Variants in ZNF462 observed in about 807,000 individuals in gnomAD.
The protein encoded by ZNF462 is zinc finger protein 462.
In ZNF462, 10 loss-of-function variants were observed where a neutral mutation model predicts 201.9. The observed-to-expected ratio is 0.05, with a 90% confidence interval of 0.03 to 0.08. The LOEUF is 0.08. Among genes scored for constraint, ZNF462 ranks in the 10% least tolerant of loss-of-function variants. The pLI is 1.00. For missense variants in ZNF462, 2,523 were observed against 3,168.3 expected (o/e 0.80, Z 4.89); for synonymous variants, 1,227 against 1,193.3 (o/e 1.03, Z -0.58).
In ZNF462 at chr9:106,865,969, GCTT is replaced by G. The variant is rs1474984007; in HGVS notation, c.-31+2615_-31+2617del. Among the ~76,000 whole-genome samples, 1 of 152,158 alleles carries G rather than the reference GCTT, an allele frequency of 6.6e-6. No individual in the cohort carries two copies. Among genetic ancestry groups the G allele is most frequent in the African/African-American group, 2.4e-5 (1 of 41,426 alleles). On this transcript the variant is annotated intron_variant, in intron 1 of 12. Transcript: ENST00000277225. This position sits in a 1 kb window ranked among gnomAD's most constrained non-coding sequence, Gnocchi z 4.1. ...TTTAAAAGCCAACCATGAAGATGTT[GCTT>G]TTCCATTAGGTGAGGTAGCCATCTT...
In ZNF462 at chr9:106,974,326, A is replaced by G. The variant is rs1377445610; in HGVS notation, c.6832+53A>G. 5.6e-6 allele frequency: 9 copies of G among 1,613,132 alleles called. No homozygotes were observed. Among genetic ancestry groups the G allele is most frequent in the Non-Finnish European group, 5.9e-6 (7 of 1,179,332 alleles). On this transcript the variant is annotated intron_variant, in intron 9 of 12. Coordinates refer to ENST00000277225, the MANE Select transcript of ZNF462 (RefSeq NM_021224.6). The surrounding 1 kb of genome is among the most constrained non-coding windows in gnomAD (Gnocchi z 4.0). ...ATGCAGCGGGGGGCAGGCAGCAGAG[A>G]TGGCCTTCTAGGGATGCTCTCTCAG...
Position 106,932,808 on chromosome 9 carries a change from A to G in ZNF462, c.6116+259A>G. The G allele has an allele frequency of 1.7e-6, 1 of 583,854 alleles. No individual in the cohort carries two copies. Among genetic ancestry groups the G allele is most frequent in the South Asian group, 2.0e-5 (1 of 49,222 alleles). 36.2% of individuals were successfully genotyped at this position (583,854 alleles called of 1,614,324 possible). ...GAATTGCTATGATTTACCCAAAGGTAAAATGGCATCTGTGGAGAGTAGATG... is the reference window on the plus strand; with the variant it reads ...GAATTGCTATGATTTACCCAAAGGTGAAATGGCATCTGTGGAGAGTAGATG... On this transcript the variant is annotated intron_variant, in intron 5 of 12. Coordinates refer to ENST00000277225, the MANE Select transcript of ZNF462 (RefSeq NM_021224.6). This position sits in a 1 kb window ranked among gnomAD's most constrained non-coding sequence, Gnocchi z 6.8.
rs192420774 is a variant in ZNF462 at position 106,876,177 on chromosome 9, G to A, written c.-31+12822G>A. Among the ~76,000 whole-genome samples the A allele has an allele frequency of 2.6e-5, 4 of 152,254 alleles. No homozygotes were observed. Among genetic ancestry groups the A allele is most frequent in the African/African-American group, 9.6e-5 (4 of 41,558 alleles). ...TTACTAGCTGTGGGACCTTGAGTAA[G>A]TCATTTATCCTTTCTGTCCCCATGA... On this transcript the variant is annotated intron_variant, in intron 1 of 12. Coordinates refer to ENST00000277225, the MANE Select transcript of ZNF462 (RefSeq NM_021224.6). The surrounding 1 kb of genome is among the most constrained non-coding windows in gnomAD (Gnocchi z 4.9).
chr9:106,867,917 A>C (rs1827413490), intron 1 of ZNF462, among the ~76,000 whole-genome samples: 1 of 152,308 alleles, frequency 6.6e-6, no homozygotes, highest in Non-Finnish European at 1.5e-5. Flanking sequence ...TGGAGAACAG[A>C]GATGCTGTTT....
chr9:106,864,010 T>G (rs960025882), intron 1 of ZNF462, among the ~76,000 whole-genome samples: 1 of 140,290 alleles, frequency 7.1e-6, no homozygotes, highest in African/African-American at 2.7e-5. Context: ...CCGTGCGGAT[T>G]GGCAGCCCCC....
intron 1 of ZNF462, among the ~76,000 whole-genome samples, chr9:106,867,769 T>C (rs893978970): frequency 3.9e-5 from 6 of 152,134 alleles, no homozygotes; most frequent in Middle Eastern, 3.2e-3. Context: ...TAGTCTGTCT[T>C]AAATTATTCC....
rs771517978 is a variant in ZNF462 at position 107,009,668 on chromosome 9, T to C, written c.7313T>C (p.Met2438Thr). Residue 2438 changes from methionine (M) to threonine (T), a missense_variant and splice_region_variant, in exon 12 of 13, where the codon ATG (methionine) becomes ACG (threonine). Met to Thr is a moderately conservative substitution (Grantham distance 81). Coordinates refer to ENST00000277225, the MANE Select transcript of ZNF462 (RefSeq NM_021224.6). The surrounding 1 kb of genome is among the most constrained non-coding windows in gnomAD (Gnocchi z 6.1). ...EWERHVLRHG[M>T]ALNDTKQVSR... ...GAAAGACATGTGCTGAGACACGGCA[T>C]GTAAGTTGGGCCACTTCAAGGATGC... The C allele has an allele frequency of 6.2e-7, 1 of 1,612,458 alleles. No individual in the cohort carries two copies. Among genetic ancestry groups the C allele is most frequent in the South Asian group, 1.1e-5 (1 of 91,012 alleles).
intron 1 of ZNF462, among the ~76,000 whole-genome samples, chr9:106,877,689 C>T (rs4743037): frequency 0.27 from 41,425 of 151,994 alleles, 6,304 homozygotes; most frequent in African/African-American, 0.41. Flanking sequence ...CAGAATGTTA[C>T]TATTTTTTAA....
chr9:106,969,586 T>G (rs1188196532), intron 7 of ZNF462, among the ~76,000 whole-genome samples: 1 of 152,094 alleles, frequency 6.6e-6, no homozygotes, highest in Non-Finnish European at 1.5e-5. Flanking sequence ...AGCCGTTCAT[T>G]TCTTTATAGT....
At chr9:106,897,826 A>AG (rs1278894266) in intron 1 of ZNF462, among the ~76,000 whole-genome samples, 1 of 151,940 alleles carries the variant, frequency 6.6e-6, no homozygotes, top group Non-Finnish European at 1.5e-5. Flanking sequence ...GGCCAGCAGC[A>AG]GGGCCCTGCT....
intron 1 of ZNF462, among the ~76,000 whole-genome samples, chr9:106,898,660 G>A (rs2131147649): frequency 6.6e-6 from 1 of 152,276 alleles, no homozygotes; most frequent in South Asian, 2.1e-4. Context: ...ATACAAATTG[G>A]TGGTGCTGGG....
In ZNF462 at chr9:106,950,369, C is replaced by T. The variant is rs536175597; in HGVS notation, c.6427+11262C>T. Among the ~76,000 whole-genome samples, 1 of 152,298 alleles carries T rather than the reference C, an allele frequency of 6.6e-6. No individual in the cohort carries two copies. Among genetic ancestry groups the T allele is most frequent in the East Asian group, 1.9e-4 (1 of 5,180 alleles). On this transcript the variant is annotated intron_variant, in intron 7 of 12. Coordinates refer to ENST00000277225, the MANE Select transcript of ZNF462 (RefSeq NM_021224.6). The surrounding 1 kb of genome is among the most constrained non-coding windows in gnomAD (Gnocchi z 4.1). Reference sequence around the variant, plus strand: ...TAGCTGCAGTCTATCTTACTTGTCCCAAACTAAATGGAGTGAGCAGCTGTG... The same window carrying T: ...TAGCTGCAGTCTATCTTACTTGTCCTAAACTAAATGGAGTGAGCAGCTGTG...
intron 7 of ZNF462, among the ~76,000 whole-genome samples, chr9:106,947,678 G>A (rs952302065): frequency 2.0e-5 from 3 of 152,182 alleles, no homozygotes; most frequent in African/African-American, 7.2e-5. Flanking sequence ...AAAGAGAAGG[G>A]CACGAGGAGT....
In ZNF462 at chr9:106,876,466, C is replaced by T. The variant is rs1364198567; in HGVS notation, c.-31+13111C>T. Among the ~76,000 whole-genome samples the T allele has an allele frequency of 3.3e-5, 5 of 152,146 alleles. No homozygotes were observed. Among genetic ancestry groups the T allele is most frequent in the Non-Finnish European group, 7.3e-5 (5 of 68,040 alleles). ...GGAATCCTGCTTGTTTAATTTTGTGCTGTGTGTCCCTTTACTGATGAGTAG... is the reference window on the plus strand; with the variant it reads ...GGAATCCTGCTTGTTTAATTTTGTGTTGTGTGTCCCTTTACTGATGAGTAG... On this transcript the variant is annotated intron_variant, in intron 1 of 12. Coordinates refer to ENST00000277225, the MANE Select transcript of ZNF462 (RefSeq NM_021224.6). This position sits in a 1 kb window ranked among gnomAD's most constrained non-coding sequence, Gnocchi z 4.9.
chr9:107,004,338 G>A (rs573251460), intron 11 of ZNF462, among the ~76,000 whole-genome samples: 103 of 152,226 alleles, frequency 6.8e-4, no homozygotes, highest in African/African-American at 2.2e-3. Context: ...AGTGCTGGTC[G>A]TTTTTATATA....
At chr9:106,892,721 C>CA (rs1271360395) in intron 1 of ZNF462, among the ~76,000 whole-genome samples, 1 of 151,360 alleles carries the variant, frequency 6.6e-6, no homozygotes, top group Non-Finnish European at 1.5e-5. Flanking sequence ...CACACACACA[C>CA]ACACATGTTA....
At position 106,938,903 on chromosome 9, in the gene ZNF462, C is replaced by T. The variant is rs1207204855; in HGVS notation, c.6236-13C>T. The stretch of plus-strand genomic sequence containing the variant: ...TTTTTCCTGTTCTATTTCTTGTCAC[C>T]ATCCTCTTCCAGGTGAGCATGCCTA... On this transcript the variant is annotated splice_polypyrimidine_tract_variant and intron_variant, in intron 6 of 12. Coordinates refer to ENST00000277225, the MANE Select transcript of ZNF462 (RefSeq NM_021224.6). This position sits in a 1 kb window ranked among gnomAD's most constrained non-coding sequence, Gnocchi z 4.4. 1 of 1,590,996 alleles carries T rather than the reference C, an allele frequency of 6.3e-7. No homozygotes were observed. The highest frequency in any genetic ancestry group is 8.6e-7 in the Non-Finnish European group (1 of 1,168,204).
intron 10 of ZNF462, among the ~76,000 whole-genome samples, chr9:106,998,695 C>A (rs1312169380): frequency 6.6e-6 from 1 of 152,146 alleles, no homozygotes; most frequent in Non-Finnish European, 1.5e-5. Context: ...GCAACCTCCA[C>A]TTCCCAGGTT....
chr9:106,956,228 G>A (rs1831568141), intron 7 of ZNF462, among the ~76,000 whole-genome samples: 1 of 152,142 alleles, frequency 6.6e-6, no homozygotes, highest in Non-Finnish European at 1.5e-5. Context: ...GGGCTACAGA[G>A]TGGATATTGT....
Sources: allele counts gnomAD v4.1 joint callset (sites outside exome capture counted in the v4.1 genomes callset), GRCh38; gene constraint gnomAD v4.1.1; non-coding constraint Gnocchi (gnomAD v3.1); transcripts MANE v1.5; gene names NCBI Gene and HGNC (gene_info 2026-07-23, HGNC 2026-07-21).